The following AGBL1 variants were observed in gnomAD, a reference collection of about 807,000 sequenced individuals.
The protein encoded by AGBL1 is cytosolic carboxypeptidase 4.
In AGBL1, 130 loss-of-function variants were observed where a neutral mutation model predicts 118.9. The ratio of observed to expected loss-of-function variants is 1.09; its 90% CI spans 0.95 to 1.26. AGBL1 has a LOEUF of 1.26. Among genes scored for constraint, AGBL1 ranks in the 50% most tolerant of loss-of-function variants. The probability of loss-of-function intolerance (pLI) is 0.00; values close to 1 mark genes in which losing one functional copy is unlikely to be tolerated. For synonymous variants in AGBL1, 555 were observed against 478.9 expected (o/e 1.16, Z -2.08); for missense variants, 1,584 against 1,298.1 (o/e 1.22, Z -3.38).
chr15:86,537,030 T>C (rs1449922422), intron 19 of AGBL1, among the ~76,000 whole-genome samples: 1 of 152,120 alleles, frequency 6.6e-6, no homozygotes, highest in Non-Finnish European at 1.5e-5. Flanking sequence ...ACAGTGAGGG[T>C]TGCCCAGAGC....
chr15:86,318,916 G>A (rs1023732228), intron 17 of AGBL1, among the ~76,000 whole-genome samples: 1 of 151,958 alleles, frequency 6.6e-6, no homozygotes, highest in East Asian at 1.9e-4. Context: ...TTTTTCTTGT[G>A]AGTCTGGGTG....
chr15:86,762,490 T>G (rs1346597856), intron 22 of AGBL1, among the ~76,000 whole-genome samples: 1 of 152,002 alleles, frequency 6.6e-6, no homozygotes. Context: ...GCAGCAGTTT[T>G]GGAAAGCTTA....
intron 22 of AGBL1, among the ~76,000 whole-genome samples, chr15:86,838,735 T>A (rs1272877583): frequency 2.7e-5 from 4 of 150,550 alleles, no homozygotes; most frequent in African/African-American, 9.8e-5. Context: ...AGCCCGGGAG[T>A]TTGAGACCAG....
chr15:86,926,834 T>A (rs984284008), intron 23 of AGBL1, among the ~76,000 whole-genome samples: 6 of 152,166 alleles, frequency 3.9e-5, no homozygotes, highest in Non-Finnish European at 8.8e-5. Context: ...AACTATTGCA[T>A]TGACCTCAAT....
In AGBL1 at chr15:86,859,977, T is replaced by C. The variant is rs891716213; in HGVS notation, c.3159-47110T>C. 4.6e-5 allele frequency among the ~76,000 whole-genome samples: 7 copies of C among 152,336 alleles called. No individual in the cohort carries two copies. The Middle Eastern group carries it at 0.01, about 222-fold the overall frequency. ...GTTAGCCAGAGGATTAAATCTGAAG[T>C]TGAAACTAGTTGAACATGTTCAGGC... On this transcript the variant is annotated intron_variant, in intron 22 of 22. Transcript: ENST00000614907.
intron 5 of AGBL1, among the ~76,000 whole-genome samples, chr15:86,219,683 C>A (rs893083153): frequency 2.0e-5 from 3 of 152,116 alleles, no homozygotes; most frequent in Non-Finnish European, 4.4e-5. Context: ...CTGTACCACA[C>A]TGTGCTATGT....
chr15:86,710,287 A>G (rs2086534081), intron 22 of AGBL1, among the ~76,000 whole-genome samples: 1 of 152,186 alleles, frequency 6.6e-6, no homozygotes. Context: ...GATGCACGTG[A>G]TTAGAGAATT....
At chr15:86,528,198 G>A (rs532876608) in intron 19 of AGBL1, among the ~76,000 whole-genome samples, 87 of 152,262 alleles carry the variant, frequency 5.7e-4, no homozygotes, top group Non-Finnish European at 9.4e-4. Context: ...CTGAGGTACC[G>A]GGTTCATCTC....
intron 24 of AGBL1, among the ~76,000 whole-genome samples, chr15:87,025,455 C>A (rs1225338056): frequency 6.6e-6 from 1 of 151,922 alleles, no homozygotes; most frequent in African/African-American, 2.4e-5. Context: ...AAGTGAAAGA[C>A]CTCTGCAAGG....
At chr15:86,578,061 T>TC (rs761102219) in intron 21 of AGBL1, among the ~76,000 whole-genome samples, 1 of 151,976 alleles carries the variant, frequency 6.6e-6, no homozygotes, top group African/African-American at 2.4e-5. Flanking sequence ...GAATGGTAGA[T>TC]CCACTGACAG....
intron 18 of AGBL1, among the ~76,000 whole-genome samples, chr15:86,426,553 C>A (rs1016826712): frequency 6.6e-6 from 1 of 152,142 alleles, no homozygotes; most frequent in Non-Finnish European, 1.5e-5. Context: ...CAGATGGAAC[C>A]GGCCAACAAC....
chr15:86,661,176 G>T lies in AGBL1; in HGVS notation c.2995-13097G>T, dbSNP rs537541399. ...GACATTCAAGGCAAATCCTATTTTAGTGTATGTTTTAGCTTCCTTAATACG... is the reference window on the plus strand; with the variant it reads ...GACATTCAAGGCAAATCCTATTTTATTGTATGTTTTAGCTTCCTTAATACG... On this transcript the variant is annotated intron_variant, in intron 21 of 22. Coordinates refer to ENST00000614907, the MANE Select transcript of AGBL1 (RefSeq NM_001386094.1). Among the ~76,000 whole-genome samples the T allele has an allele frequency of 1.9e-4, 29 of 152,252 alleles. 1 individual carries two copies. The highest frequency in any genetic ancestry group is 1.7e-3 in the Admixed American group (26 of 15,284).
At chr15:86,564,606 G>A (rs2083883741) in intron 21 of AGBL1, among the ~76,000 whole-genome samples, 1 of 152,084 alleles carries the variant, frequency 6.6e-6, no homozygotes, top group Non-Finnish European at 1.5e-5. Context: ...ACAATTATGT[G>A]TCTTCGAGTT....
chr15:86,156,761 T>G (rs2077196856), intron 4 of AGBL1, among the ~76,000 whole-genome samples: 1 of 149,456 alleles, frequency 6.7e-6, no homozygotes, highest in Admixed American at 6.7e-5. Context: ...AAATGCCTGA[T>G]TTTTTTTCTT....
At chr15:86,754,754 C>T (rs183965173) in intron 22 of AGBL1, among the ~76,000 whole-genome samples, 1 of 152,034 alleles carries the variant, frequency 6.6e-6, no homozygotes, top group Non-Finnish European at 1.5e-5. Flanking sequence ...AAAGTGGTTT[C>T]TTTATTCCCA....
chr15:86,827,312 TATATACACAC>T (rs1323852570), intron 22 of AGBL1, among the ~76,000 whole-genome samples: 2,239 of 10,074 alleles, frequency 0.22, 589 homozygotes, highest in East Asian at 0.72. Context: ...TGTATATATA[TATATACACAC>T]ACATATATAT....
At chr15:86,999,103 G>C (rs1166553457) in intron 24 of AGBL1, among the ~76,000 whole-genome samples, 1 of 151,030 alleles carries the variant, frequency 6.6e-6, no homozygotes, top group Non-Finnish European at 1.5e-5. Context: ...AGAACATGCA[G>C]TGTTTGTTTT....
rs1213705776 is a variant in AGBL1, at chr15:86,478,258, AG to A, written c.2556-44549del. ...GCAATCAGGCAGGAGAAAGAAATAAAGGGTATTCAATTAGGAAAAGAAGAAG... is the reference window on the plus strand; with the variant it reads ...GCAATCAGGCAGGAGAAAGAAATAAAGGTATTCAATTAGGAAAAGAAGAAG... On this transcript the variant is annotated intron_variant, in intron 18 of 22. Coordinates refer to ENST00000614907, the MANE Select transcript of AGBL1 (RefSeq NM_001386094.1). 3.8e-4 allele frequency among the ~76,000 whole-genome samples: 58 copies of A among 152,314 alleles called. 1 individual carries two copies. The highest frequency in any genetic ancestry group is 1.3e-3 in the African/African-American group (56 of 41,556).
At chr15:86,426,665 T>C (rs189702198) in intron 18 of AGBL1, among the ~76,000 whole-genome samples, 22 of 152,370 alleles carry the variant, frequency 1.4e-4, no homozygotes, top group African/African-American at 4.6e-4. Context: ...CATTATAATA[T>C]AAATGCACAC....
Sources: allele counts gnomAD v4.1 joint callset (sites outside exome capture counted in the v4.1 genomes callset), GRCh38; gene constraint gnomAD v4.1.1; transcripts MANE v1.5; gene names NCBI Gene and HGNC (gene_info 2026-07-23, HGNC 2026-07-21).